Variants in HS3ST4 observed in about 807,000 individuals in gnomAD.
HS3ST4 encodes heparan sulfate glucosamine 3-O-sulfotransferase 4.
HS3ST4 carries 17 observed loss-of-function variants against 29.2 expected under a neutral mutation model. That is an observed-to-expected ratio of 0.58 (90% CI 0.40 to 0.87). HS3ST4 has a LOEUF of 0.87. HS3ST4 is among the 40% of genes least tolerant of loss of function. The probability of loss-of-function intolerance (pLI) is 0.00; values close to 1 mark genes in which losing one functional copy is unlikely to be tolerated. For synonymous variants in HS3ST4, 314 were observed against 285.7 expected (o/e 1.10, Z -1.00); for missense variants, 627 against 634.5 (o/e 0.99, Z 0.13).
At chr16:25,934,209 G>C (rs1968495532) in intron 1 of HS3ST4, among the ~76,000 whole-genome samples, 1 of 152,178 alleles carries the variant, frequency 6.6e-6, no homozygotes. Flanking sequence ...ATTAGGAGTA[G>C]GTAACTAGGC....
intron 1 of HS3ST4, among the ~76,000 whole-genome samples, chr16:26,070,093 AAT>A (rs1898585125): frequency 1.3e-5 from 2 of 152,250 alleles, no homozygotes; most frequent in African/African-American, 4.8e-5. Context: ...GGCTGGGTCA[AAT>A]GGTATTTCTA....
intron 1 of HS3ST4, among the ~76,000 whole-genome samples, chr16:25,723,695 T>A (rs750723669): frequency 6.6e-6 from 1 of 152,264 alleles, no homozygotes; most frequent in Non-Finnish European, 1.5e-5. Context: ...CTTTTCTTCT[T>A]CAGCCTAGAA....
chr16:25,993,729 G>A (rs1185797864), intron 1 of HS3ST4, among the ~76,000 whole-genome samples: 1 of 151,824 alleles, frequency 6.6e-6, no homozygotes, highest in Non-Finnish European at 1.5e-5. Context: ...TGTCAGGAGT[G>A]GGTTGCTGAC....
chr16:26,020,412 G>A (rs1969401695), intron 1 of HS3ST4, among the ~76,000 whole-genome samples: 1 of 152,166 alleles, frequency 6.6e-6, no homozygotes, highest in Admixed American at 6.5e-5. Flanking sequence ...AAAAATCAAT[G>A]TCCTAAGAGA....
intron 1 of HS3ST4, among the ~76,000 whole-genome samples, chr16:25,779,826 C>T (rs1399627550): frequency 6.6e-6 from 1 of 152,164 alleles, no homozygotes; most frequent in African/African-American, 2.4e-5. Context: ...CTGCTGTTTA[C>T]AAGAGGGAAA....
chr16:25,740,693 C>T (rs1210828437), intron 1 of HS3ST4, among the ~76,000 whole-genome samples: 2 of 152,158 alleles, frequency 1.3e-5, no homozygotes, highest in African/African-American at 4.8e-5. Context: ...TCTCACCAAT[C>T]CCAACAACCT....
chr16:26,080,900 A>G (rs1201540752), intron 1 of HS3ST4, among the ~76,000 whole-genome samples: 2 of 152,210 alleles, frequency 1.3e-5, no homozygotes, highest in Admixed American at 6.5e-5. Flanking sequence ...AGCATCTGCA[A>G]CATCTTGCTC....
intron 1 of HS3ST4, among the ~76,000 whole-genome samples, chr16:25,861,456 G>A (rs1440912702): frequency 6.6e-6 from 1 of 152,172 alleles, no homozygotes; most frequent in Non-Finnish European, 1.5e-5. Context: ...TGAAGGTCTA[G>A]ACTTAACTGT....
intron 1 of HS3ST4, among the ~76,000 whole-genome samples, chr16:26,121,321 C>T (rs1332801734): frequency 6.6e-6 from 1 of 152,056 alleles, no homozygotes; most frequent in African/African-American, 2.4e-5. Context: ...GAGATTCCAT[C>T]GGGAGAATAT....
intron 1 of HS3ST4, among the ~76,000 whole-genome samples, chr16:25,825,147 G>T (rs188686255): frequency 1.3e-5 from 2 of 152,176 alleles, no homozygotes; most frequent in Non-Finnish European, 2.9e-5. Flanking sequence ...AACAGAAGCC[G>T]AGATTGCACT....
intron 1 of HS3ST4, among the ~76,000 whole-genome samples, chr16:25,792,143 TTTGA>T (rs1410369097): frequency 6.6e-6 from 1 of 151,918 alleles, no homozygotes; most frequent in African/African-American, 2.4e-5. Flanking sequence ...GGTGAGTTAC[TTTGA>T]TTGTTTTTTG....
At chr16:25,913,479 A>C (rs1233089957) in intron 1 of HS3ST4, among the ~76,000 whole-genome samples, 2 of 152,228 alleles carry the variant, frequency 1.3e-5, no homozygotes, top group Non-Finnish European at 2.9e-5. Context: ...AACTGTGAGA[A>C]ATCTGTGTGT....
At chr16:25,735,503 C>T (rs2141595460) in intron 1 of HS3ST4, among the ~76,000 whole-genome samples, 1 of 152,198 alleles carries the variant, frequency 6.6e-6, no homozygotes, top group East Asian at 1.9e-4. Context: ...ACCCTCCACT[C>T]TCAGCCTCCT....
At chr16:25,772,327 T>C (rs1333269180) in intron 1 of HS3ST4, among the ~76,000 whole-genome samples, 3 of 152,244 alleles carry the variant, frequency 2.0e-5, no homozygotes, top group African/African-American at 7.2e-5. Context: ...TGATAGCCCA[T>C]TTAGCTGACA....
intron 1 of HS3ST4, among the ~76,000 whole-genome samples, chr16:26,072,984 A>G (rs776646038): frequency 2.0e-5 from 3 of 152,252 alleles, no homozygotes; most frequent in Non-Finnish European, 4.4e-5. Context: ...AAAAGAGAAA[A>G]GAGCCTGTTT....
At chr16:26,080,125 G>T (rs1898708504) in intron 1 of HS3ST4, among the ~76,000 whole-genome samples, 6 of 152,046 alleles carry the variant, frequency 3.9e-5, no homozygotes, top group Admixed American at 3.9e-4. Context: ...CTTCACCTCT[G>T]CTTGGAGAGC....
At chr16:26,066,458 C>T (rs948181704) in intron 1 of HS3ST4, among the ~76,000 whole-genome samples, 1 of 152,170 alleles carries the variant, frequency 6.6e-6, no homozygotes, top group Non-Finnish European at 1.5e-5. Context: ...ATGAAATATT[C>T]TACATAAGAA....
chr16:25,772,119 A>C (rs747601186), intron 1 of HS3ST4, among the ~76,000 whole-genome samples: 4 of 152,228 alleles, frequency 2.6e-5, no homozygotes, highest in Non-Finnish European at 5.9e-5. Context: ...GCAGCAGGCT[A>C]GATTTGGAAC....
intron 1 of HS3ST4, among the ~76,000 whole-genome samples, chr16:25,796,145 A>C (rs1966884782): frequency 6.6e-6 from 1 of 152,072 alleles, no homozygotes; most frequent in South Asian, 2.1e-4. Context: ...ACCCTCGTGC[A>C]ATTGCCTATC....
Sources: gnomAD v4.1 joint callset for allele counts (sites outside exome capture counted in the v4.1 genomes callset) on GRCh38, gnomAD v4.1.1 for gene constraint, MANE v1.5 for transcripts, NCBI Gene and HGNC (gene_info 2026-07-23, HGNC 2026-07-21) for gene names.